Variants in PHC2 observed in about 807,000 individuals in gnomAD.
PHC2 encodes the protein polyhomeotic-like protein 2.
Under a neutral mutation model 87.4 loss-of-function variants are expected in PHC2, and 29 were observed. The observed-to-expected ratio is 0.33, with a 90% CI of 0.25 to 0.45. The LOEUF is 0.45. PHC2 is among the 20% of genes least tolerant of loss of function. The pLI is 1.00. For synonymous variants in PHC2, 438 were observed against 461.7 expected (o/e 0.95, Z 0.66); for missense variants, 857 against 1,136.7 (o/e 0.75, Z 3.54).
At chr1:33,406,216 A>C (rs1014548821) in intron 1 of PHC2, among the ~76,000 whole-genome samples, 4 of 152,144 alleles carry the variant, frequency 2.6e-5, no homozygotes, top group African/African-American at 9.7e-5. Flanking sequence ...TTCCTGGTAA[A>C]TGGACATTTA....
intron 7 of PHC2, among the ~76,000 whole-genome samples, chr1:33,365,754 T>G (rs1295023267): frequency 6.6e-6 from 1 of 152,230 alleles, no homozygotes; most frequent in Non-Finnish European, 1.5e-5. Context: ...ACTGACCCTT[T>G]GCCCCTGGGT....
At chr1:33,419,946 C>T (rs1275283026) in intron 1 of PHC2, among the ~76,000 whole-genome samples, 4 of 151,706 alleles carry the variant, frequency 2.6e-5, no homozygotes, top group Non-Finnish European at 5.9e-5. Context: ...TTGTATTTAG[C>T]GCCCACCCAG....
intron 1 of PHC2, among the ~76,000 whole-genome samples, chr1:33,419,437 G>A (rs964069587): frequency 2.0e-5 from 3 of 152,148 alleles, no homozygotes; most frequent in Admixed American, 1.3e-4. Flanking sequence ...TCTCCCTCAG[G>A]AGGTTCTACG....
chr1:33,425,833 A>G (rs1015714755), intron 1 of PHC2, among the ~76,000 whole-genome samples: 4 of 152,228 alleles, frequency 2.6e-5, no homozygotes, highest in Admixed American at 2.0e-4. Context: ...ACATCTCTTC[A>G]TATTTTTCTT....
At chr1:33,424,737 G>C (rs1381158534) in intron 1 of PHC2, among the ~76,000 whole-genome samples, 1 of 152,122 alleles carries the variant, frequency 6.6e-6, no homozygotes. Flanking sequence ...TTTTCTAAGG[G>C]CATCTGGCCT....
chr1:33,427,046 A>G (rs374219590), intron 1 of PHC2, among the ~76,000 whole-genome samples: 1 of 152,226 alleles, frequency 6.6e-6, no homozygotes, highest in Non-Finnish European at 1.5e-5. Context: ...GAGACAGTAT[A>G]GCATGATCCT....
chr1:33,325,551 G>A, intron 14 of PHC2: 1 of 221,408 alleles, frequency 4.5e-6, no homozygotes, highest in Non-Finnish European at 9.3e-6. Flanking sequence ...CGTCTTCCCT[G>A]AGACCTCATA....
intron 1 of PHC2, among the ~76,000 whole-genome samples, chr1:33,430,553 C>T (rs1650869680): frequency 6.6e-6 from 1 of 152,086 alleles, no homozygotes; most frequent in Non-Finnish European, 1.5e-5. Flanking sequence ...CCACGGGCTG[C>T]CGCGGCGCGG....
At chr1:33,384,527 T>C (rs920486923) in intron 1 of PHC2, among the ~76,000 whole-genome samples, 3 of 152,226 alleles carry the variant, frequency 2.0e-5, no homozygotes, top group Admixed American at 6.5e-5. Context: ...GGGATCTTCC[T>C]GTTTCTCTCC....
intron 1 of PHC2, among the ~76,000 whole-genome samples, chr1:33,399,042 A>G (rs920354805): frequency 1.3e-5 from 2 of 152,180 alleles, no homozygotes; most frequent in Non-Finnish European, 2.9e-5. Context: ...ACAAGGCAAA[A>G]TGTGAAAAAT....
intron 1 of PHC2, among the ~76,000 whole-genome samples, chr1:33,380,847 C>T (rs1204330224): frequency 6.6e-6 from 1 of 152,176 alleles, no homozygotes; most frequent in African/African-American, 2.4e-5. Context: ...TGATCTGACC[C>T]ATTTTGCCTT....
At chr1:33,355,393 C>T (rs1303150200) in intron 7 of PHC2, 140 bp from the exon 8 acceptor site, 2 of 755,250 alleles carry the variant, frequency 2.6e-6, no homozygotes, top group Non-Finnish European at 4.2e-6. Context: ...TCATTTTTCA[C>T]CCTGAGCCTG....
intron 9 of PHC2, among the ~76,000 whole-genome samples, chr1:33,350,055 T>C (rs1570471436): frequency 6.6e-6 from 1 of 150,882 alleles, no homozygotes; most frequent in Non-Finnish European, 1.5e-5. Context: ...GAAGGCGGGT[T>C]AGGGACGCCC....
Position 33,334,324 on chromosome 1 carries a change from G to T in PHC2, c.1559-32C>A, listed in dbSNP as rs767617465. The T allele has an allele frequency of 2.5e-6, 4 of 1,598,620 alleles. No individual in the cohort carries two copies. Among genetic ancestry groups the T allele is most frequent in the Non-Finnish European group, 3.4e-6 (4 of 1,167,724 alleles). ...GAGAGAGAGTAGGAAAACAAAGCAG[G>T]GGAGATCAGAACCAGAGTCCACGCC... On this transcript the variant is annotated intron_variant, in intron 9 of 14. Coordinates refer to ENST00000683057, the MANE Select transcript of PHC2 (RefSeq NM_001385109.1). This position sits in a 1 kb window ranked among gnomAD's most constrained non-coding sequence, Gnocchi z 5.5.
intron 9 of PHC2, chr1:33,345,019 A>C (rs1646820533): frequency 6.6e-6 from 1 of 152,202 alleles, no homozygotes; most frequent in Admixed American, 6.5e-5. Context: ...GGATGGTTTC[A>C]AATATGCTAA....
In PHC2 at chr1:33,392,154, T is replaced by C. The variant is rs559387857; in HGVS notation, c.-54-16561A>G. Among the ~76,000 whole-genome samples the C allele has an allele frequency of 2.9e-5, 4 of 138,222 alleles. No individual in the cohort carries two copies. The East Asian group carries it at 8.7e-4, about 30-fold the overall frequency. 90.7% of individuals were successfully genotyped at this position (138,222 alleles called of 152,430 possible). On this transcript the variant is annotated intron_variant, in intron 1 of 14. Coordinates refer to ENST00000683057, the MANE Select transcript of PHC2 (RefSeq NM_001385109.1). The stretch of plus-strand genomic sequence containing the variant: ...AAATGAACTAGGTGCTTCAGCTGTG[T>C]GCACACATACGTGCACACACACACA...
chr1:33,406,682 T>A lies in PHC2; in HGVS notation c.-55+24294A>T, dbSNP rs772804351. Among the ~76,000 whole-genome samples, 114 of 152,260 alleles carry A rather than the reference T, an allele frequency of 7.5e-4. 1 individual carries two copies. Among genetic ancestry groups the A allele is most frequent in the Admixed American group, 3.3e-4 (5 of 15,286 alleles). On this transcript the variant is annotated intron_variant, in intron 1 of 14. Transcript: ENST00000683057. ...TTGATGTAATAGAGGCAAACTCTGT[T>A]TTTGTTTGCCTCAAAATGCCTTTAA...
In PHC2 at chr1:33,332,190, T is replaced by C; in HGVS notation, c.1891+85A>G. On this transcript the variant is annotated intron_variant, in intron 11 of 14. Coordinates refer to ENST00000683057, the MANE Select transcript of PHC2 (RefSeq NM_001385109.1). The surrounding 1 kb of genome is among the most constrained non-coding windows in gnomAD (Gnocchi z 4.2). The stretch of plus-strand genomic sequence containing the variant: ...CAGACTCGCTGGCTCAGGGTTCCTC[T>C]GGGGAAACAGAGAGAGGAAGTGTGT... 6.6e-7 allele frequency: 1 copy of C among 1,520,728 alleles called. No homozygotes were observed. The highest frequency in any genetic ancestry group is 9.1e-7 in the Non-Finnish European group (1 of 1,100,640). The allele number at this position is 1,520,728 out of a possible 1,614,324, so 94.2% of individuals were successfully genotyped here. A position where few individuals can be genotyped will look rare whatever the true frequency, so the allele number is the denominator to read the frequency against.
In PHC2 at chr1:33,382,025, G is replaced by A. The variant is rs957292012; in HGVS notation, c.-54-6432C>T. The stretch of plus-strand genomic sequence containing the variant: ...CGCATGGTGGTGGTGACTTATCAAC[G>A]AGAGAGGTGAAGTTTGCCCTGCAGA... On this transcript the variant is annotated intron_variant, in intron 1 of 14. Transcript: ENST00000683057. The surrounding 1 kb of genome is among the most constrained non-coding windows in gnomAD (Gnocchi z 4.3). Among the ~76,000 whole-genome samples, 2 of 152,080 alleles carry A rather than the reference G, an allele frequency of 1.3e-5. No homozygotes were observed. Among genetic ancestry groups the A allele is most frequent in the South Asian group, 2.1e-4 (1 of 4,820 alleles).
Sources: allele counts gnomAD v4.1 joint callset (sites outside exome capture counted in the v4.1 genomes callset), GRCh38; gene constraint gnomAD v4.1.1; non-coding constraint Gnocchi (gnomAD v3.1); transcripts MANE v1.5; gene names NCBI Gene and HGNC (gene_info 2026-07-23, HGNC 2026-07-21).